USP9X: variants seen among roughly 807,000 people sequenced by gnomAD.
USP9X encodes the protein ubiquitin carboxyl-terminal hydrolase 9X.
USP9X carries 7 observed loss-of-function variants against 190.3 expected under a neutral mutation model. The observed-to-expected ratio is 0.04, with a 90% CI of 0.02 to 0.07. The LOEUF is 0.07. USP9X is among the 10% of genes least tolerant of loss of function. The pLI is 1.00. For synonymous variants in USP9X, 645 were observed against 659.5 expected (o/e 0.98, Z 0.34); for missense variants, 1,010 against 1,916.9 (o/e 0.53, Z 8.83).
intron 15 of USP9X, among the ~76,000 whole-genome samples, chrX:41,164,493 G>A (rs1190138306): frequency 3.6e-5 from 4 of 110,972 alleles, no homozygotes; most frequent in Non-Finnish European, 5.7e-5. Context: ...ACAGAAAAGT[G>A]GTTTCAAGCC....
chrX:41,172,071 C>A, intron 21 of USP9X, 113 bp downstream of exon 21: 1 of 866,315 alleles, frequency 1.2e-6, no homozygotes, highest in Non-Finnish European at 1.6e-6. Flanking sequence ...CAAGAGTTGA[C>A]AGATGACAGC....
chrX:41,174,222 G>A (rs1368443216), intron 21 of USP9X, among the ~76,000 whole-genome samples: 1 of 111,847 alleles, frequency 8.9e-6, no homozygotes, highest in Non-Finnish European at 1.9e-5. Context: ...ACACGTGACT[G>A]TAATCTGGAG....
At chrX:41,091,271 A>G (rs2061953566) in intron 1 of USP9X, among the ~76,000 whole-genome samples, 1 of 112,038 alleles carries the variant, frequency 8.9e-6, no homozygotes, top group African/African-American at 3.2e-5. Context: ...TGTCAAGTAT[A>G]GTAGAAATAG....
intron 2 of USP9X, 56 bp from the exon 3 acceptor site, chrX:41,128,944 A>T: frequency 2.6e-6 from 3 of 1,136,496 alleles, no homozygotes; most frequent in Non-Finnish European, 3.6e-6. Flanking sequence ...TGTTTGGATT[A>T]CTATTTTACA....
chrX:41,120,844 T>G (rs762704765), intron 1 of USP9X, among the ~76,000 whole-genome samples: 1 of 103,064 alleles, frequency 9.7e-6, no homozygotes, highest in East Asian at 3.0e-4. Flanking sequence ...AGTCAAGTTT[T>G]TTTTTTTTTT....
At chrX:41,112,426 G>A (rs1056909300) in intron 1 of USP9X, among the ~76,000 whole-genome samples, 3 of 112,178 alleles carry the variant, frequency 2.7e-5, no homozygotes, top group Non-Finnish European at 5.6e-5. Context: ...TCTTGTATAA[G>A]CTCAGTGTAC....
chrX:41,135,479 C>T (rs1283237991), intron 5 of USP9X, among the ~76,000 whole-genome samples: 2 of 111,726 alleles, frequency 1.8e-5, no homozygotes, highest in Non-Finnish European at 3.8e-5. Flanking sequence ...CACAATTCCT[C>T]TCTGCAAATA....
At chrX:41,135,896 G>C (rs1467601605) in intron 5 of USP9X, among the ~76,000 whole-genome samples, 1 of 111,580 alleles carries the variant, frequency 9.0e-6, no homozygotes, top group Admixed American at 9.5e-5. Flanking sequence ...CTCCCAAAGT[G>C]CTGGGATTAC....
rs1320760272 is a variant in USP9X at position 41,232,931 on chromosome X, AAG to A, written c.*409_*410del. 2 of 113,472 alleles carry A rather than the reference AAG, an allele frequency of 1.8e-5. No homozygotes were observed. Among genetic ancestry groups the A allele is most frequent in the East Asian group, 2.7e-4 (1 of 3,688 alleles). The allele number at this position is 113,472 out of a possible 1,213,427, so 9.4% of individuals were successfully genotyped here. The stretch of plus-strand genomic sequence containing the variant: ...CAGTTGGATCAGCTCCTTTACAAAA[AAG>A]AAAAAAAAAAAACCAACAGCAACAA... On this transcript the variant is annotated 3_prime_UTR_variant, in exon 45 of 45. Coordinates refer to ENST00000378308, the MANE Select transcript of USP9X (RefSeq NM_001039591.3).
chrX:41,109,805 T>A (rs2062095917), intron 1 of USP9X, among the ~76,000 whole-genome samples: 1 of 111,517 alleles, frequency 9.0e-6, no homozygotes, highest in South Asian at 3.8e-4. Context: ...AATACAGTTA[T>A]CTTGACTGGC....
At chrX:41,129,984 G>A (rs2062293962) in intron 3 of USP9X, among the ~76,000 whole-genome samples, 1 of 110,680 alleles carries the variant, frequency 9.0e-6, no homozygotes. Flanking sequence ...ATGAGTATGC[G>A]TTAACAGAAA....
chrX:41,164,985 A>G (rs1462459839), intron 15 of USP9X, among the ~76,000 whole-genome samples: 1 of 111,791 alleles, frequency 8.9e-6, no homozygotes, highest in Non-Finnish European at 1.9e-5. Flanking sequence ...CAGATTCCAA[A>G]TGGGATTTTC....
At chrX:41,144,675 GAT>G in intron 11 of USP9X, 49 bp downstream of exon 11, 1 of 967,477 alleles carries the variant, frequency 1.0e-6, no homozygotes, top group Non-Finnish European at 1.5e-6. Context: ...AAATAGAATT[GAT>G]TAATTAGATC....
At position 41,165,890 on chromosome X, in the gene USP9X, T is replaced by A. The variant is rs200518903; in HGVS notation, c.2004T>A (p.Gly668=). ...LNFLRFLLKD[G]QLWLCAPQAK... ...TTTCAAGATTTTTATTGAAGGATGGTCAGCTGTGGCTATGTGCTCCTCAGG... is the reference window on the plus strand; with the variant it reads ...TTTCAAGATTTTTATTGAAGGATGGACAGCTGTGGCTATGTGCTCCTCAGG... Residue 668 remains glycine (G), a synonymous_variant, in exon 16 of 45, where the codon GGT becomes GGA. Coordinates refer to ENST00000378308, the MANE Select transcript of USP9X (RefSeq NM_001039591.3). 3,941 of 1,205,938 alleles carry A rather than the reference T, an allele frequency of 3.3e-3. 7 individuals are homozygous for A. The highest frequency in any genetic ancestry group is 4.2e-3 in the Non-Finnish European group (3,712 of 893,376).
At chrX:41,225,259 C>A in intron 41 of USP9X, 122 bp downstream of exon 41, 1 of 579,702 alleles carries the variant, frequency 1.7e-6, no homozygotes, top group Non-Finnish European at 2.7e-6. Context: ...TTATCTTAAA[C>A]CTAGGACAAG....
intron 14 of USP9X, among the ~76,000 whole-genome samples, chrX:41,153,521 G>A (rs1268779464): frequency 1.8e-5 from 2 of 112,543 alleles, no homozygotes; most frequent in Non-Finnish European, 3.8e-5. Flanking sequence ...GAGTAGAGAT[G>A]AGAGGCTGGC....
At chrX:41,171,785 A>G in intron 20 of USP9X, 53 bp from the exon 21 acceptor site, 1 of 1,173,525 alleles carries the variant, frequency 8.5e-7, no homozygotes, top group Non-Finnish European at 1.2e-6. Flanking sequence ...GGGCTTTTAT[A>G]AAACGGGAGT....
chrX:41,197,352 C>CCCCCCCGGGGG lies in USP9X; in HGVS notation c.4234-12_4234-11insCCCCCCGGGGG. 3 of 988,207 alleles carry CCCCCCCGGGGG rather than the reference C, an allele frequency of 3.0e-6. No homozygotes were observed. The highest frequency in any genetic ancestry group is 4.0e-5 in the East Asian group (1 of 25,155). 81.4% of individuals were successfully genotyped at this position (988,207 alleles called of 1,213,427 possible). ...TTCTTCCCCCCCCCACCCCACCCCC[C>CCCCCCCGGGGG]GCCTTTGGCAGGATGATGTTAAAAG... On this transcript the variant is annotated splice_polypyrimidine_tract_variant and intron_variant, in intron 28 of 44. Coordinates refer to ENST00000378308, the MANE Select transcript of USP9X (RefSeq NM_001039591.3).
intron 11 of USP9X, among the ~76,000 whole-genome samples, chrX:41,147,400 C>T (rs1812826245): frequency 2.8e-5 from 3 of 108,540 alleles, no homozygotes; most frequent in Admixed American, 2.0e-4. Context: ...TGAAGACGTA[C>T]CATATTAATA....
Sources: gnomAD v4.1 joint callset for allele counts (sites outside exome capture counted in the v4.1 genomes callset) on GRCh38, gnomAD v4.1.1 for gene constraint, MANE v1.5 for transcripts, NCBI Gene and HGNC (gene_info 2026-07-23, HGNC 2026-07-21) for gene names.